RASEF: variants seen among roughly 807,000 people sequenced by gnomAD.
RASEF encodes the protein RAS and EF-hand domain containing.
Under a neutral mutation model 90.1 loss-of-function variants are expected in RASEF, and 68 were observed. That is an observed-to-expected ratio of 0.75 (90% CI 0.62 to 0.92). The LOEUF (loss-of-function observed/expected upper bound fraction) is 0.92. RASEF is among the 40% of genes least tolerant of loss of function. RASEF has a pLI of 0.00. For synonymous variants in RASEF, 331 were observed against 345.2 expected, an observed-to-expected ratio of 0.96 and a Z score of 0.46; for missense variants, 949 against 937.2, an observed-to-expected ratio of 1.01 and a Z score of -0.16.
At chr9:83,105,243 C>G in the RASEF span, among the ~76,000 whole-genome samples, 26 of 152,238 alleles carry the variant, frequency 1.7e-4, no homozygotes, top group Non-Finnish European at 5.9e-5. Flanking sequence ...TATCTGCTAC[C>G]TCTTCCTACC....
the RASEF span, among the ~76,000 whole-genome samples, chr9:83,150,755 G>A: frequency 6.6e-6 from 1 of 152,088 alleles, no homozygotes; most frequent in Non-Finnish European, 1.5e-5. Context: ...ATAAATTTAA[G>A]TTCTGTTTAT....
intron 1 of RASEF, among the ~76,000 whole-genome samples, chr9:83,033,548 A>T (rs1257092726): frequency 6.6e-6 from 1 of 152,208 alleles, no homozygotes; most frequent in Non-Finnish European, 1.5e-5. Context: ...CGATGAGCAC[A>T]TCCTCAAGGA....
At chr9:82,997,385 G>T (rs1226143921) in intron 13 of RASEF, among the ~76,000 whole-genome samples, 1 of 152,136 alleles carries the variant, frequency 6.6e-6, no homozygotes, top group African/African-American at 2.4e-5. Flanking sequence ...AATCCCCAGA[G>T]CACAACCAGG....
At chr9:83,124,401 G>A in the RASEF span, among the ~76,000 whole-genome samples, 1 of 152,160 alleles carries the variant, frequency 6.6e-6, no homozygotes. Context: ...ACTATTCTGT[G>A]TCATATTAAA....
At chr9:83,054,663 C>T (rs2117877486) in intron 1 of RASEF, 1 of 146,072 alleles carries the variant, frequency 6.8e-6, no homozygotes, top group South Asian at 2.2e-4. Context: ...GTTTTTTCCC[C>T]ATCTTTGTGG....
the RASEF span, among the ~76,000 whole-genome samples, chr9:83,120,727 T>G: frequency 6.6e-6 from 1 of 152,166 alleles, no homozygotes; most frequent in East Asian, 1.9e-4. Flanking sequence ...AATAAAAATG[T>G]AGATTGGTAA....
At chr9:83,215,501 T>G in the RASEF span, among the ~76,000 whole-genome samples, 2 of 152,000 alleles carry the variant, frequency 1.3e-5, no homozygotes, top group East Asian at 3.9e-4. Context: ...GTCTGCGTGC[T>G]CCCCCTTGTC....
At chr9:83,213,383 G>C in the RASEF span, among the ~76,000 whole-genome samples, 1 of 145,396 alleles carries the variant, frequency 6.9e-6, no homozygotes, top group African/African-American at 2.6e-5. Flanking sequence ...CTGGGCAACA[G>C]AGCGAGACTT....
chr9:83,059,764 G>A (rs1417112697), intron 1 of RASEF, among the ~76,000 whole-genome samples: 1 of 152,006 alleles, frequency 6.6e-6, no homozygotes, highest in East Asian at 1.9e-4. Flanking sequence ...AGTGGTCAAG[G>A]CCCATCCTGA....
At chr9:83,122,136 T>A in the RASEF span, among the ~76,000 whole-genome samples, 30 of 152,298 alleles carry the variant, frequency 2.0e-4, no homozygotes, top group East Asian at 4.3e-3. Flanking sequence ...TGGCTCCTTG[T>A]ACAAGAGCCA....
At chr9:83,207,511 T>C in the RASEF span, among the ~76,000 whole-genome samples, 77 of 152,084 alleles carry the variant, frequency 5.1e-4, 1 homozygote, top group South Asian at 4.4e-3. Flanking sequence ...CTCTAACATA[T>C]TCAGCAAGAG....
the RASEF span, among the ~76,000 whole-genome samples, chr9:83,104,224 C>T: frequency 6.6e-6 from 1 of 151,986 alleles, no homozygotes; most frequent in African/African-American, 2.4e-5. Flanking sequence ...GTAAGAATTT[C>T]CTTAAGCTTT....
At chr9:83,062,159 A>C (rs1830214272) in intron 1 of RASEF, among the ~76,000 whole-genome samples, 1 of 152,180 alleles carries the variant, frequency 6.6e-6, no homozygotes, top group Non-Finnish European at 1.5e-5. Context: ...GGGCGCCAGC[A>C]GCTGCAGATT....
the RASEF span, among the ~76,000 whole-genome samples, chr9:83,140,802 T>C: frequency 6.6e-6 from 1 of 152,252 alleles, no homozygotes; most frequent in South Asian, 2.1e-4. Context: ...AAAATAACTT[T>C]ACAAAATTAA....
At chr9:83,061,181 G>T (rs1035152645) in intron 1 of RASEF, among the ~76,000 whole-genome samples, 1 of 152,114 alleles carries the variant, frequency 6.6e-6, no homozygotes, top group South Asian at 2.1e-4. Flanking sequence ...CCCTGGTTGG[G>T]GAGTAACTCA....
the RASEF span, among the ~76,000 whole-genome samples, chr9:83,182,555 T>C: frequency 1.3e-5 from 2 of 152,210 alleles, no homozygotes; most frequent in South Asian, 2.1e-4. Flanking sequence ...CATTAAAACA[T>C]CTTCAATAAG....
chr9:83,023,969 AT>A (rs1820787200), intron 2 of RASEF, among the ~76,000 whole-genome samples: 1 of 152,188 alleles, frequency 6.6e-6, no homozygotes, highest in South Asian at 2.1e-4. Context: ...TTCTGGTGAA[AT>A]GTCTGCCCAC....
At chr9:82,984,418 G>A (rs1176844082) in intron 16 of RASEF, among the ~76,000 whole-genome samples, 3 of 152,104 alleles carry the variant, frequency 2.0e-5, no homozygotes, top group African/African-American at 7.2e-5. Context: ...CCTACCTTTC[G>A]AAATCCACTG....
chr9:83,104,481 GC>G, the RASEF span, among the ~76,000 whole-genome samples: 3 of 152,104 alleles, frequency 2.0e-5, no homozygotes, highest in Non-Finnish European at 2.9e-5. Flanking sequence ...CAATATAAGA[GC>G]CCCTTCAATC....
Sources: allele counts gnomAD v4.1 joint callset (sites outside exome capture counted in the v4.1 genomes callset), GRCh38; gene constraint gnomAD v4.1.1; transcripts MANE v1.5; gene names NCBI Gene and HGNC (gene_info 2026-07-23, HGNC 2026-07-21).